KRIT1: variants seen among roughly 807,000 people sequenced by gnomAD.
KRIT1 encodes the protein KRIT1 ankyrin repeat containing.
KRIT1 carries 45 observed loss-of-function variants against 95.8 expected under a neutral mutation model. The ratio of observed to expected loss-of-function variants is 0.47; its 90% confidence interval spans 0.37 to 0.60. KRIT1 has a LOEUF of 0.60. KRIT1 is among the 20% of genes least tolerant of loss of function. KRIT1 has a pLI of 0.00. For synonymous variants in KRIT1, 282 were observed against 278.8 expected (o/e 1.01, Z -0.11); for missense variants, 788 against 877.5 (o/e 0.90, Z 1.29).
chr7:92,225,683 T>C, intron 12 of KRIT1, 37 bp downstream of exon 12: 1 of 1,091,100 alleles, frequency 9.2e-7, no homozygotes, highest in Non-Finnish European at 1.4e-6. Flanking sequence ...TTAATTTAAA[T>C]ACTATGCCTG....
intron 17 of KRIT1, chr7:92,206,618 AAG>A (rs1791546002): frequency 6.6e-6 from 1 of 152,242 alleles, no homozygotes; most frequent in Non-Finnish European, 1.5e-5. Flanking sequence ...AAATAGGAAG[AAG>A]TGACATCAGA....
At chr7:92,229,651 T>C (rs1796884207) in intron 10 of KRIT1, among the ~76,000 whole-genome samples, 2 of 152,200 alleles carry the variant, frequency 1.3e-5, no homozygotes, top group Non-Finnish European at 2.9e-5. Context: ...TAAATTCCAT[T>C]ATGCCTCTGA....
intron 17 of KRIT1, 42 bp downstream of exon 17, chr7:92,213,153 C>G (rs2131305870): frequency 1.5e-6 from 2 of 1,359,660 alleles, no homozygotes; most frequent in Non-Finnish European, 2.1e-6. Flanking sequence ...GTTGTTTTAA[C>G]TATTATATGA....
chr7:92,213,742 CTA>C (rs1793371298), intron 16 of KRIT1, 148 bp downstream of exon 16: 1 of 632,616 alleles, frequency 1.6e-6, no homozygotes, highest in African/African-American at 1.8e-5. Context: ...AAATATCTTG[CTA>C]CTTTCAATTT....
rs1235815378 is a variant in KRIT1, at chr7:92,234,601, TAAAAAG to T, written c.846-15_846-10del. ...CTACCCACTGTCGTTCCCTAATCAT[TAAAAAG>T]AAATTTTGAAAAATACAACAGGACT... On this transcript the variant is annotated splice_polypyrimidine_tract_variant and intron_variant, in intron 9 of 18. Coordinates refer to ENST00000394505, the MANE Select transcript of KRIT1 (RefSeq NM_194454.3). 7.5e-6 allele frequency: 12 copies of T among 1,610,696 alleles called. No individual in the cohort carries two copies. Among genetic ancestry groups the T allele is most frequent in the Non-Finnish European group, 1.0e-5 (12 of 1,176,998 alleles).
chr7:92,228,844 T>C lies in KRIT1; in HGVS notation c.990-2162A>G, dbSNP rs1267714860. ...ACGTATAAGTGGGAACACGTGGCAT[T>C]TTCTGTTCCTGCATTAGTTTGCTAA... On this transcript the variant is annotated intron_variant, in intron 10 of 18. Transcript: ENST00000394505. Among the ~76,000 whole-genome samples, 4 of 152,292 alleles carry C rather than the reference T, an allele frequency of 2.6e-5. No homozygotes were observed. In the South Asian group the frequency reaches 8.3e-4, roughly 32 times the overall value.
intron 10 of KRIT1, among the ~76,000 whole-genome samples, chr7:92,233,922 A>T (rs570764221): frequency 3.9e-5 from 6 of 152,362 alleles, no homozygotes; most frequent in African/African-American, 1.4e-4. Flanking sequence ...ACTAGTGGAA[A>T]GAGCTAACCC....
chr7:92,221,858 AT>A, intron 14 of KRIT1, 43 bp downstream of exon 14: 1 of 1,562,764 alleles, frequency 6.4e-7, no homozygotes, highest in Non-Finnish European at 8.8e-7. Context: ...AACTCAACAG[AT>A]TTTGTGCATT....
At chr7:92,231,533 C>A (rs1391128079) in intron 10 of KRIT1, among the ~76,000 whole-genome samples, 1 of 152,024 alleles carries the variant, frequency 6.6e-6, no homozygotes, top group Non-Finnish European at 1.5e-5. Flanking sequence ...GAAATGAGAC[C>A]AAGTGAGGTA....
intron 17 of KRIT1, chr7:92,205,940 T>A (rs934034231): frequency 6.6e-6 from 1 of 151,974 alleles, no homozygotes; most frequent in Non-Finnish European, 1.5e-5. Flanking sequence ...TTGAAAAGGG[T>A]CTAACCCACC....
rs1049132590 is a variant in KRIT1 at position 92,216,285 on chromosome 7, CTTAAAATACTCTATATTA to C, written c.1564-1526_1564-1509del. On this transcript the variant is annotated intron_variant, in intron 14 of 18. Transcript: ENST00000394505. ...AACTGAAATAATACTATTTTTCTAT[CTTAAAATACTCTATATTA>C]TTAAATATTAATAATACTCTATTTA... Among the ~76,000 whole-genome samples, 6 of 147,888 alleles carry C rather than the reference CTTAAAATACTCTATATTA, an allele frequency of 4.1e-5. No individual in the cohort carries two copies. The East Asian group carries it at 1.2e-3, about 29-fold the overall frequency.
At chr7:92,243,919 G>A (rs895625900) in intron 3 of KRIT1, 83 bp downstream of exon 3, 2 of 152,212 alleles carry the variant, frequency 1.3e-5, no homozygotes, top group East Asian at 1.9e-4. Flanking sequence ...AGGTTTTGAG[G>A]ACGTTATCAT....
At chr7:92,240,238 CA>C (rs1300885166) in intron 5 of KRIT1, among the ~76,000 whole-genome samples, 1 of 152,064 alleles carries the variant, frequency 6.6e-6, no homozygotes, top group East Asian at 1.9e-4. Context: ...TGTATCTCTG[CA>C]ACAAAAACCA....
At chr7:92,224,670 T>C (rs1487858044) in intron 12 of KRIT1, among the ~76,000 whole-genome samples, 1 of 152,100 alleles carries the variant, frequency 6.6e-6, no homozygotes, top group African/African-American at 2.4e-5. Context: ...TGTAATTAGA[T>C]GGAAAGGCCA....
chr7:92,211,836 T>G (rs1792907053), intron 17 of KRIT1, among the ~76,000 whole-genome samples: 1 of 152,064 alleles, frequency 6.6e-6, no homozygotes, highest in Admixed American at 6.6e-5. Context: ...TTCATGCTTG[T>G]AATCCCAGCA....
intron 10 of KRIT1, among the ~76,000 whole-genome samples, chr7:92,233,739 AAAC>A (rs1196115592): frequency 1.3e-5 from 2 of 152,198 alleles, no homozygotes; most frequent in African/African-American, 4.8e-5. Context: ...AGCTTACTTT[AAAC>A]AATAGGTGAA....
chr7:92,240,905 A>G (rs1799472404), intron 5 of KRIT1, 88 bp downstream of exon 5: 1 of 1,051,574 alleles, frequency 9.5e-7, no homozygotes, highest in African/African-American at 1.6e-5. Context: ...ACATAAAAAG[A>G]AATTGGTTTA....
intron 5 of KRIT1, among the ~76,000 whole-genome samples, chr7:92,239,121 A>G (rs1270729912): frequency 6.6e-6 from 1 of 152,222 alleles, no homozygotes; most frequent in Non-Finnish European, 1.5e-5. Flanking sequence ...ATTTCTTGTT[A>G]AAAGCTCCCT....
rs935875285 is a variant in KRIT1, at chr7:92,221,844, T to A, written c.1563+58A>T. ...CAATTTCTGCCTCTAGTGCTTACAA[T>A]AGAAACTCAACAGATTTTGTGCATT... On this transcript the variant is annotated intron_variant, in intron 14 of 18. Coordinates refer to ENST00000394505, the MANE Select transcript of KRIT1 (RefSeq NM_194454.3). 8.2e-6 allele frequency: 12 copies of A among 1,470,260 alleles called. No individual in the cohort carries two copies. In the East Asian group the frequency reaches 2.7e-4, roughly 34 times the overall value. The allele number at this position is 1,470,260 out of a possible 1,614,324, so 91.1% of individuals were successfully genotyped here.
Sources: gnomAD v4.1 joint callset for allele counts (sites outside exome capture counted in the v4.1 genomes callset) on GRCh38, gnomAD v4.1.1 for gene constraint, MANE v1.5 for transcripts, NCBI Gene and HGNC (gene_info 2026-07-23, HGNC 2026-07-21) for gene names.